The following KIF4A variants were observed in gnomAD, a reference collection of about 807,000 sequenced individuals.
KIF4A encodes the protein chromosome-associated kinesin KIF4A.
In KIF4A, 7 loss-of-function variants were observed where a neutral mutation model predicts 105.9. The ratio of observed to expected loss-of-function variants is 0.07; its 90% CI spans 0.04 to 0.12. The LOEUF is 0.12. Ranked by LOEUF, KIF4A falls within the 10% of genes least tolerant of loss-of-function variation. The probability of loss-of-function intolerance (pLI) is 1.00; values close to 1 mark genes in which losing one functional copy is unlikely to be tolerated. For synonymous variants in KIF4A, 281 were observed against 331.3 expected (o/e 0.85, Z 1.65); for missense variants, 558 against 929.2 (o/e 0.60, Z 5.19).
At chrX:70,309,779 C>A (rs1459543659) in intron 7 of KIF4A, among the ~76,000 whole-genome samples, 2 of 112,763 alleles carry the variant, frequency 1.8e-5, no homozygotes, top group African/African-American at 6.4e-5. Flanking sequence ...CACAGTGACT[C>A]ATGCCTGTAA....
chrX:70,331,170 AG>A (rs1418996124), intron 9 of KIF4A, among the ~76,000 whole-genome samples: 1 of 14,774 alleles, frequency 6.8e-5, no homozygotes, highest in Non-Finnish European at 1.3e-4. Flanking sequence ...CCTTCTTCTT[AG>A]GGTTTTTGTG....
intron 10 of KIF4A, among the ~76,000 whole-genome samples, chrX:70,341,390 T>C (rs2085971815): frequency 9.0e-6 from 1 of 111,506 alleles, no homozygotes; most frequent in South Asian, 3.8e-4. Flanking sequence ...CTCCCTTCTC[T>C]ACTTCCCTAA....
intron 28 of KIF4A, among the ~76,000 whole-genome samples, chrX:70,414,155 G>A (rs1407806850): frequency 9.0e-6 from 1 of 111,461 alleles, no homozygotes; most frequent in Admixed American, 9.6e-5. Context: ...AACATTAGGG[G>A]ACTGGTTAAA....
chrX:70,396,970 G>A (rs1024453524), intron 22 of KIF4A, among the ~76,000 whole-genome samples: 1 of 111,566 alleles, frequency 9.0e-6, no homozygotes, highest in Non-Finnish European at 1.9e-5. Flanking sequence ...CTACTCGGGA[G>A]GCTGAGGCAG....
chrX:70,293,341 G>T (rs746707447), intron 3 of KIF4A, among the ~76,000 whole-genome samples: 59 of 112,370 alleles, frequency 5.3e-4, no homozygotes, highest in Non-Finnish European at 8.3e-4. Flanking sequence ...AGCTTGCTTT[G>T]TGTTCCTTGA....
Position 70,404,753 on chromosome X carries a change from G to A in KIF4A, c.2829G>A (p.Met943Ile). 1 of 1,208,815 alleles carries A rather than the reference G, an allele frequency of 8.3e-7. No homozygotes were observed. The highest frequency in any genetic ancestry group is 1.1e-6 in the Non-Finnish European group (1 of 894,083). The change falls in exon 25 of 31, where the codon ATG becomes ATA. Residue 943 changes from methionine to isoleucine, a missense_variant. Met to Ile is a conservative substitution (Grantham distance 10). Coordinates refer to ENST00000374403, the MANE Select transcript of KIF4A (RefSeq NM_012310.5). ...TCAGCCAGCTGCAGCAAAGCCAAAT[G>A]GCAGAGAAGCAGTTAGAGGAATCAG... ...YLLSQLQQSQ[M>I]AEKQLEESVS...
intron 15 of KIF4A, among the ~76,000 whole-genome samples, chrX:70,363,612 G>A (rs1429874478): frequency 1.8e-5 from 2 of 112,038 alleles, no homozygotes; most frequent in Admixed American, 9.5e-5. Flanking sequence ...TGCTGTATAT[G>A]TGCCACATTT....
chrX:70,379,649 G>A (rs768329842), intron 18 of KIF4A, among the ~76,000 whole-genome samples: 11 of 109,924 alleles, frequency 1.0e-4, no homozygotes, highest in Non-Finnish European at 1.7e-4. Flanking sequence ...AAATTATTTG[G>A]GTGTGGTGAC....
Position 70,302,317 on chromosome X carries a change from C to T in KIF4A, c.697C>T (p.Arg233Cys), listed in dbSNP as rs777529831. Residue 233 changes from arginine (R) to cysteine (C), a missense_variant, in exon 7 of 31, where the codon CGC becomes TGC. Coordinates refer to ENST00000374403, the MANE Select transcript of KIF4A (RefSeq NM_012310.5). ...TCATTATCACAGGAATAGCAGCTTTCGCTCCAAGCTGCATCTTGTAGACCT... is the reference window on the plus strand; with the variant it reads ...TCATTATCACAGGAATAGCAGCTTTTGCTCCAAGCTGCATCTTGTAGACCT... ...RKKSDKNSSF[R>C]SKLHLVDLAG... is the part of the protein sequence containing the mutation. The T allele has an allele frequency of 8.3e-7, 1 of 1,209,280 alleles. No individual in the cohort carries two copies.
chrX:70,312,436 C>T (rs957185980), intron 7 of KIF4A, among the ~76,000 whole-genome samples: 7 of 111,696 alleles, frequency 6.3e-5, no homozygotes, highest in African/African-American at 2.0e-4. Flanking sequence ...TGAGCCACTG[C>T]ACCCAGCCAA....
At chrX:70,419,898 G>A in intron 30 of KIF4A, 115 bp downstream of exon 30, 1 of 1,065,488 alleles carries the variant, frequency 9.4e-7, no homozygotes, top group Non-Finnish European at 1.3e-6. Context: ...CAGCTTGCTG[G>A]GAACTAGGGA....
intron 15 of KIF4A, among the ~76,000 whole-genome samples, chrX:70,373,197 G>A (rs767459309): frequency 1.2e-4 from 13 of 107,112 alleles, no homozygotes; most frequent in South Asian, 4.3e-4. Flanking sequence ...ACTTGAGCCC[G>A]GGAGATAAAG....
intron 19 of KIF4A, 40 bp downstream of exon 19, chrX:70,386,741 C>A: frequency 1.0e-6 from 1 of 998,602 alleles, no homozygotes; most frequent in African/African-American, 1.9e-5. Flanking sequence ...GTATTGTCAT[C>A]TTCAGGTTTA....
intron 28 of KIF4A, chrX:70,415,351 T>C (rs1366475449): frequency 1.8e-5 from 5 of 275,508 alleles, no homozygotes; most frequent in Non-Finnish European, 3.4e-5. Flanking sequence ...TGCTCACGCC[T>C]GTAATCTCAG....
intron 7 of KIF4A, 42 bp downstream of exon 7, chrX:70,302,440 C>G: frequency 8.8e-7 from 1 of 1,136,114 alleles, no homozygotes; most frequent in Non-Finnish European, 1.2e-6. Flanking sequence ...TTAAAAACTT[C>G]TAGTACTCTT....
intron 3 of KIF4A, among the ~76,000 whole-genome samples, chrX:70,295,632 C>T (rs1457505067): frequency 9.1e-6 from 1 of 110,278 alleles, no homozygotes; most frequent in African/African-American, 3.3e-5. Context: ...ATTTACCATC[C>T]TATGGCTTGG....
intron 15 of KIF4A, among the ~76,000 whole-genome samples, chrX:70,373,827 TAC>T (rs201449631): frequency 0.013 from 371 of 28,777 alleles, 8 homozygotes; most frequent in African/African-American, 0.028. Context: ...CACACACATG[TAC>T]ACACACACAC....
At chrX:70,368,193 C>T (rs940680310) in intron 15 of KIF4A, among the ~76,000 whole-genome samples, 1 of 111,677 alleles carries the variant, frequency 9.0e-6, no homozygotes, top group Non-Finnish European at 1.9e-5. Flanking sequence ...GTCATGGGTT[C>T]GAACTTCCTC....
chrX:70,305,438 G>T (rs2085823079), intron 7 of KIF4A, among the ~76,000 whole-genome samples: 1 of 111,775 alleles, frequency 8.9e-6, no homozygotes, highest in South Asian at 3.7e-4. Context: ...CATATAAATG[G>T]AATTATACAA....
Sources: gnomAD v4.1 joint callset for allele counts (sites outside exome capture counted in the v4.1 genomes callset) on GRCh38, gnomAD v4.1.1 for gene constraint, MANE v1.5 for transcripts, NCBI Gene and HGNC (gene_info 2026-07-23, HGNC 2026-07-21) for gene names.